HLA-G: variants seen among roughly 807,000 people sequenced by gnomAD.
The protein encoded by HLA-G is HLA class I histocompatibility antigen, alpha chain G.
HLA-G carries 34 observed loss-of-function variants against 39.3 expected under a neutral mutation model. That is an observed-to-expected ratio of 0.86 (90% CI 0.66 to 1.15). The LOEUF is 1.15. Ranked by LOEUF, HLA-G falls within the 50% of genes most tolerant of loss-of-function variation. The probability of loss-of-function intolerance (pLI) is 0.00; values close to 1 mark genes in which losing one functional copy is unlikely to be tolerated. For missense variants in HLA-G, 419 were observed against 456.4 expected, an observed-to-expected ratio of 0.92 and a Z score of 0.75; for synonymous variants, 183 against 185.8, an observed-to-expected ratio of 0.99 and a Z score of 0.12.
chr6:29,828,642 T>G lies in HLA-G; in HGVS notation c.443T>G (p.Leu148Arg). The G allele has an allele frequency of 1.9e-6, 3 of 1,613,070 alleles. No homozygotes were observed. The highest frequency in any genetic ancestry group is 2.5e-6 in the Non-Finnish European group (3 of 1,179,996). The change falls in exon 3 of 7, where the codon CTC becomes CGC. Residue 148 changes from leucine to arginine, a missense_variant. This residue lies in a region of HLA-G where 328 missense variants were observed against 323.0 expected (regional missense o/e 1.02). Coordinates refer to ENST00000360323, the MANE Select transcript of HLA-G (RefSeq NM_001384290.1). ...EQYAYDGKDYLALNEDLRSWT... is the reference protein window; with the variant it reads ...EQYAYDGKDYRALNEDLRSWT... Reference sequence around the variant, plus strand: ...TATGCCTACGATGGCAAGGATTACCTCGCCCTGAACGAGGACCTGCGCTCC... The same window carrying G: ...TATGCCTACGATGGCAAGGATTACCGCGCCCTGAACGAGGACCTGCGCTCC...
rs141919345 is a variant in HLA-G at position 29,828,602 on chromosome 6, C to A, written c.403C>A (p.Arg135Ser). ...CCTGGGGTCCGACGGACGCCTCCTC[C>A]GCGGGTATGAACAGTATGCCTACGA... Reference protein sequence around the residue: ...CDLGSDGRLLRGYEQYAYDGK... With the variant: ...CDLGSDGRLLSGYEQYAYDGK... The change falls in exon 3 of 7, where the codon CGC becomes AGC. Residue 135 changes from arginine (R) to serine (S), a missense_variant. By Grantham distance (110) the Arg-to-Ser change is moderately radical. Around this residue, in one of 2 missense-constraint regions of HLA-G, gnomAD observed 328 missense variants for 323.0 expected, o/e 1.02. Transcript: ENST00000360323. 6 of 1,613,058 alleles carry A rather than the reference C, an allele frequency of 3.7e-6. No individual in the cohort carries two copies. The African/African-American group carries it at 6.7e-5, about 18-fold the overall frequency.
upstream of HLA-G, chr6:29,827,717 C>A: frequency 1.1e-6 from 1 of 917,618 alleles, no homozygotes. Flanking sequence ...CCTGGATACT[C>A]ACCGGGCGGC....
At chr6:29,829,274 C>A (rs1761028873) in intron 3 of HLA-G, 144 bp from the exon 4 acceptor site, 2 of 900,386 alleles carry the variant, frequency 2.2e-6, no homozygotes, top group Admixed American at 4.5e-5. Context: ...TCCCAGGTGC[C>A]CGTGTCCAGG....
At chr6:29,830,508 A>T in intron 6 of HLA-G, 98 bp downstream of exon 6, 1 of 1,054,606 alleles carries the variant, frequency 9.5e-7, no homozygotes, top group East Asian at 2.4e-5. Context: ...CTCTGGCCAC[A>T]TCTCCTGTGG....
intron 3 of HLA-G, 86 bp downstream of exon 3, chr6:29,828,904 A>G (rs1760989395): frequency 6.4e-7 from 1 of 1,553,300 alleles, no homozygotes; most frequent in Non-Finnish European, 8.9e-7. Flanking sequence ...AATGGGACCA[A>G]CACTAGAATA....
intron 6 of HLA-G, 110 bp downstream of exon 6, chr6:29,830,520 C>G: frequency 1.0e-6 from 1 of 976,506 alleles, no homozygotes; most frequent in Admixed American, 1.7e-5. Context: ...CTCCTGTGGT[C>G]TCTGACCAGG....
In HLA-G at chr6:29,830,326, C is replaced by T. The variant is rs553370070; in HGVS notation, c.1013-52C>T. The T allele has an allele frequency of 3.1e-6, 5 of 1,605,850 alleles. No individual in the cohort carries two copies. In the South Asian group the frequency reaches 5.5e-5, roughly 18 times the overall value. On this transcript the variant is annotated intron_variant, in intron 5 of 6. Coordinates refer to ENST00000360323, the MANE Select transcript of HLA-G (RefSeq NM_001384290.1). Reference sequence around the variant, plus strand: ...CAAGACTAGGAGGTTCCTCTAGGACCTCATGGCCCTGCCACCTTTCTGGCC... The same window carrying T: ...CAAGACTAGGAGGTTCCTCTAGGACTTCATGGCCCTGCCACCTTTCTGGCC...
chr6:29,830,530 G>T, intron 6 of HLA-G, 120 bp downstream of exon 6: 2 of 938,012 alleles, frequency 2.1e-6, no homozygotes, highest in South Asian at 2.6e-5. Flanking sequence ...CTCTGACCAG[G>T]TGCTGTTTTT....
rs767471087 is a variant in HLA-G, at chr6:29,829,405, C to T, written c.620-13C>T. ...GATGCAAAGTGCTTGAATTTTCTGA[C>T]TCTTCCTTTCAGACCCCCCCAAGAC... On this transcript the variant is annotated splice_polypyrimidine_tract_variant and intron_variant, in intron 3 of 6. Coordinates refer to ENST00000360323, the MANE Select transcript of HLA-G (RefSeq NM_001384290.1). 3.1e-6 allele frequency: 5 copies of T among 1,611,556 alleles called. No homozygotes were observed. The Admixed American group carries it at 5.0e-5, about 16-fold the overall frequency.
intron 6 of HLA-G, 73 bp downstream of exon 6, chr6:29,830,483 A>T: frequency 7.7e-7 from 1 of 1,294,246 alleles, no homozygotes; most frequent in Non-Finnish European, 1.1e-6. Context: ...GAGCTCACCC[A>T]CCCCACAATT....
In HLA-G at chr6:29,829,632, G is replaced by A. The variant is rs751943204; in HGVS notation, c.834G>A (p.Glu278=). The A allele has an allele frequency of 1.2e-6, 2 of 1,614,100 alleles. No individual in the cohort carries two copies. Among genetic ancestry groups the A allele is most frequent in the Admixed American group, 3.3e-5 (2 of 60,024 alleles). The change falls in exon 4 of 7, where the codon GAG becomes GAA. Residue 278 remains glutamate (E), a synonymous_variant. Transcript: ENST00000360323. ...WAAVVVPSGE[E]QRYTCHVQHE... The stretch of plus-strand genomic sequence containing the variant: ...CTGTGGTGGTGCCTTCTGGAGAGGA[G>A]CAGAGATACACGTGCCATGTGCAGC...
rs144724454 is a variant in HLA-G at position 29,829,814 on chromosome 6, A to G, written c.896-2A>G. On this transcript the variant is annotated splice_acceptor_variant, in intron 4 of 6. Transcript: ENST00000360323. LOFTEE classifies it high-confidence loss of function. ...GACCCTCACCTTCACCTCCTTTCCC[A>G]GAGCAGTCTTCCCTGCCCACCATCC... The G allele has an allele frequency of 1.9e-4, 307 of 1,612,242 alleles. 1 individual carries two copies. The highest frequency in any genetic ancestry group is 1.9e-4 in the Non-Finnish European group (224 of 1,178,852).
chr6:29,830,532 G>T lies in HLA-G; in HGVS notation c.*28+122G>T, dbSNP rs879173833. The T allele has an allele frequency of 1.3e-4, 122 of 924,162 alleles. No individual in the cohort carries two copies. The South Asian group carries it at 1.4e-3, about 10-fold the overall frequency. The allele number at this position is 924,162 out of a possible 1,614,324, so 57.2% of individuals were successfully genotyped here. Reference sequence around the variant, plus strand: ...CATCTCCTGTGGTCTCTGACCAGGTGCTGTTTTTGTTCTACTCTAGGCAGT... The same window carrying T: ...CATCTCCTGTGGTCTCTGACCAGGTTCTGTTTTTGTTCTACTCTAGGCAGT... On this transcript the variant is annotated intron_variant, in intron 6 of 6. Coordinates refer to ENST00000360323, the MANE Select transcript of HLA-G (RefSeq NM_001384290.1).
chr6:29,829,447 C>T lies in HLA-G; in HGVS notation c.649C>T (p.Pro217Ser). ...CCCCAAGACACACGTGACCCACCAC[C>T]CTGTCTTTGACTATGAGGCCACCCT... is the stretch of plus-strand genomic sequence containing the variant. Reference protein sequence around the residue: ...DPPKTHVTHHPVFDYEATLRC... With the variant: ...DPPKTHVTHHSVFDYEATLRC... Residue 217 changes from proline (P) to serine (S), a missense_variant, in exon 4 of 7, where the codon CCT (proline) becomes TCT (serine). Around this residue, in one of 2 missense-constraint regions of HLA-G, gnomAD observed 328 missense variants for 323.0 expected, o/e 1.02. Coordinates refer to ENST00000360323, the MANE Select transcript of HLA-G (RefSeq NM_001384290.1). 2.5e-6 allele frequency: 4 copies of T among 1,613,800 alleles called. No homozygotes were observed. The highest frequency in any genetic ancestry group is 3.4e-6 in the Non-Finnish European group (4 of 1,179,832).
In HLA-G at chr6:29,828,382, T is replaced by A. The variant is rs1274296110; in HGVS notation, c.343+66T>A. On this transcript the variant is annotated intron_variant, in intron 2 of 6. Transcript: ENST00000360323. ...CTCCATGCCCCACGGACGGCCCGGG[T>A]ACTCCCGAGTCTCCGGGTCTGGGAT... 3 of 1,560,218 alleles carry A rather than the reference T, an allele frequency of 1.9e-6. No individual in the cohort carries two copies. In the East Asian group the frequency reaches 6.8e-5, roughly 35 times the overall value.
In HLA-G at chr6:29,830,819, C is replaced by G; in HGVS notation, c.*80C>G. The stretch of plus-strand genomic sequence containing the variant: ...TGAGTGGCAAGTCCCTTTGTGACTT[C>G]AAGAACCCTGACTCCTCTTTGTGCA... On this transcript the variant is annotated 3_prime_UTR_variant, in exon 7 of 7. Transcript: ENST00000360323. 1 of 399,780 alleles carries G rather than the reference C, an allele frequency of 2.5e-6. No individual in the cohort carries two copies. The highest frequency in any genetic ancestry group is 2.9e-5 in the Admixed American group (1 of 34,110). 24.8% of individuals were successfully genotyped at this position (399,780 alleles called of 1,614,324 possible).
intron 4 of HLA-G, 32 bp from the exon 5 acceptor site, chr6:29,829,784 T>TC: frequency 6.2e-7 from 1 of 1,601,308 alleles, no homozygotes; most frequent in Non-Finnish European, 8.5e-7. Context: ...GGGCTGGGGG[T>TC]CAGAGACCCT....
rs770982446 is a variant in HLA-G at position 29,827,929 on chromosome 6, G to A, written c.73+12G>A. On this transcript the variant is annotated intron_variant, in intron 1 of 6. Transcript: ENST00000360323. ...CGAGACCTGGGCGGGTGAGTGCGGG[G>A]TCAGGAGGGAAACAGCCCCTGCGCG... 5 of 1,607,932 alleles carry A rather than the reference G, an allele frequency of 3.1e-6. No individual in the cohort carries two copies. The highest frequency in any genetic ancestry group is 4.2e-6 in the Non-Finnish European group (5 of 1,177,442).
Position 29,828,833 on chromosome 6 carries a change from G to A in HLA-G, c.619+15G>A, listed in dbSNP as rs1760981452. 6.2e-7 allele frequency: 1 copy of A among 1,613,900 alleles called. No homozygotes were observed. The highest frequency in any genetic ancestry group is 8.5e-7 in the Non-Finnish European group (1 of 1,180,012). On this transcript the variant is annotated intron_variant, in intron 3 of 6. Coordinates refer to ENST00000360323, the MANE Select transcript of HLA-G (RefSeq NM_001384290.1). ...GCAGCGCGCGGGTACCAGGGGCAGT[G>A]GGGCGCCTCCCTGATCTCCTGTAGA...
Sources: allele counts gnomAD v4.1 joint callset, GRCh38; gene constraint gnomAD v4.1.1; regional missense constraint gnomAD v4.1.1; transcripts MANE v1.5; gene names NCBI Gene and HGNC (gene_info 2026-07-23, HGNC 2026-07-21).